RPUSD3: variants seen among roughly 807,000 people sequenced by gnomAD.
RPUSD3 encodes the protein RNA pseudouridine synthase D3.
A neutral mutation model predicts 35.1 loss-of-function variants in RPUSD3; 36 were observed. That is an observed-to-expected ratio of 1.02 (90% CI 0.79 to 1.35). The LOEUF (loss-of-function observed/expected upper bound fraction) is 1.35, where lower values mean the gene tolerates loss of function less well. Among genes scored for constraint, RPUSD3 ranks in the 40% most tolerant of loss-of-function variants. The pLI is 0.00. For missense variants in RPUSD3, 486 were observed against 441.9 expected, an observed-to-expected ratio of 1.10 and a Z score of -0.89; for synonymous variants, 202 against 187.8, an observed-to-expected ratio of 1.08 and a Z score of -0.62.
intron 2 of RPUSD3, 192 bp downstream of exon 2, chr3:9,843,273 C>T: frequency 1.6e-5 from 12 of 730,190 alleles, no homozygotes; most frequent in Non-Finnish European, 2.7e-5. Context: ...CTTCTCCCCA[C>T]TCTTAACCCT....
exon 5 of RPUSD3, chr3:9,840,787 T>A (rs878930058): frequency 1.9e-6 from 3 of 1,613,484 alleles, no homozygotes; most frequent in South Asian, 2.2e-5. Flanking sequence ...TGGAGAGGAG[T>A]ACAAGCCCAG....
rs202088564 is a variant in RPUSD3 at position 9,839,142 on chromosome 3, C to T, written c.754G>A (p.Val252Ile). The T allele has an allele frequency of 1.2e-5, 19 of 1,613,388 alleles. No individual in the cohort carries two copies. In the African/African-American group the frequency reaches 2.4e-4, roughly 20 times the overall value. Residue 252 changes from valine (V) to isoleucine (I), a missense_variant, in exon 8 of 9, where the codon GTA becomes ATA. Physicochemically the swap from Val to Ile is conservative, Grantham distance 29. Coordinates refer to ENST00000383820, the Ensembl canonical transcript of RPUSD3. The stretch of plus-strand genomic sequence containing the variant: ...CCAAGCACAGGGCAGAGCTGTAGTA[C>T]CATGTGCACCTGTAGTTGACTGGAG...
chr3:9,840,885 C>T lies in RPUSD3; in HGVS notation c.408-80G>A. 5.1e-6 allele frequency: 5 copies of T among 979,358 alleles called. No individual in the cohort carries two copies. The South Asian group carries it at 7.8e-5, about 15-fold the overall frequency. The allele number at this position is 979,358 out of a possible 1,614,324, so 60.7% of individuals were successfully genotyped here. Reference sequence around the variant, plus strand: ...AAAGGAAACTCTTAGGAACACTGACCTGCTTCAGGCCAAACACTAACACCA... The same window carrying T: ...AAAGGAAACTCTTAGGAACACTGACTTGCTTCAGGCCAAACACTAACACCA... On this transcript the variant is annotated intron_variant, in intron 4 of 8. Transcript: ENST00000383820.
chr3:9,838,324 C>T (rs1472041314), intron 8 of RPUSD3, 117 bp from the exon 9 acceptor site: 1 of 942,614 alleles, frequency 1.1e-6, no homozygotes, highest in Non-Finnish European at 1.6e-6. Flanking sequence ...TGTTCTGCAA[C>T]TGTTAATCAT....
At chr3:9,842,283 T>C in intron 2 of RPUSD3, 40 bp from the exon 3 acceptor site, 1 of 1,603,714 alleles carries the variant, frequency 6.2e-7, no homozygotes, top group African/African-American at 1.3e-5. Flanking sequence ...AAAGCAACGG[T>C]AACCCTTTAT....
At position 9,842,183 on chromosome 3, in the gene RPUSD3, C is replaced by T; in HGVS notation, c.307+16G>A. The T allele has an allele frequency of 6.2e-7, 1 of 1,614,170 alleles. No individual in the cohort carries two copies. The highest frequency in any genetic ancestry group is 8.5e-7 in the Non-Finnish European group (1 of 1,180,008). ...CCCCTTCCGCTGCATTCCCTTCCCA[C>T]ATCCCCGGCCCATACCTGTCACTGG... On this transcript the variant is annotated intron_variant, in intron 3 of 8. Coordinates refer to ENST00000383820, the Ensembl canonical transcript of RPUSD3.
At chr3:9,841,168 T>C (rs1049371300) in intron 4 of RPUSD3, 2 of 182,374 alleles carry the variant, frequency 1.1e-5, no homozygotes, top group African/African-American at 4.8e-5. Flanking sequence ...CCATCTTTAA[T>C]TGATGGCAGT....
chr3:9,838,063 G>A, exon 9 of RPUSD3: 1 of 1,606,568 alleles, frequency 6.2e-7, no homozygotes, highest in Non-Finnish European at 8.5e-7. Context: ...GAGAAATAAG[G>A]GGGCAGTGGT....
chr3:9,840,347 C>T (rs1178056192), intron 6 of RPUSD3, 40 bp from the exon 7 acceptor site: 1 of 1,614,022 alleles, frequency 6.2e-7, no homozygotes, highest in Non-Finnish European at 8.5e-7. Flanking sequence ...TTACACAGGT[C>T]TGGGAGCTAT....
Position 9,839,025 on chromosome 3 carries a change from G to A in RPUSD3, c.864+7C>T. ...TCAGAAAGCAGCAGGCAGGTGGGCTGGAGTACCTGTCTTTGGGGCTTGTTG... is the reference window on the plus strand; with the variant it reads ...TCAGAAAGCAGCAGGCAGGTGGGCTAGAGTACCTGTCTTTGGGGCTTGTTG... On this transcript the variant is annotated splice_region_variant and intron_variant, in intron 8 of 8. Transcript: ENST00000383820. 1 of 1,614,074 alleles carries A rather than the reference G, an allele frequency of 6.2e-7. No homozygotes were observed. Among genetic ancestry groups the A allele is most frequent in the Non-Finnish European group, 8.5e-7 (1 of 1,179,966 alleles).
Position 9,843,803 on chromosome 3 carries a change from G to C in RPUSD3, c.125+87C>G, listed in dbSNP as rs930212538. ...CAGAGAGGCCAACGGGGCTGTTTTCGGGTAACATCTACCTGATCCAGATCC... is the reference window on the plus strand; with the variant it reads ...CAGAGAGGCCAACGGGGCTGTTTTCCGGTAACATCTACCTGATCCAGATCC... On this transcript the variant is annotated intron_variant, in intron 1 of 8. Coordinates refer to ENST00000383820, the Ensembl canonical transcript of RPUSD3. The C allele has an allele frequency of 3.2e-6, 5 of 1,550,754 alleles. No individual in the cohort carries two copies. In the South Asian group the frequency reaches 4.7e-5, roughly 15 times the overall value.
At chr3:9,841,946 C>T in intron 4 of RPUSD3, 37 bp downstream of exon 4, 1 of 1,546,504 alleles carries the variant, frequency 6.5e-7, no homozygotes, top group Non-Finnish European at 8.9e-7. Context: ...CAGATGGATG[C>T]CTGTACTCCT....
exon 2 of RPUSD3, chr3:9,843,540 C>A (rs1038727744): frequency 3.2e-5 from 52 of 1,613,728 alleles, no homozygotes; most frequent in Admixed American, 1.0e-4. Flanking sequence ...AGCAGCCCCG[C>A]GAAGGGCTGG....
At chr3:9,841,739 G>A in intron 4 of RPUSD3, 1 of 392,836 alleles carries the variant, frequency 2.5e-6, no homozygotes, top group South Asian at 4.0e-5. Context: ...GAAGTGTTGG[G>A]ATTACAGGTG....
chr3:9,839,043 G>T (rs2082064112), exon 8 of RPUSD3: 10 of 1,614,186 alleles, frequency 6.2e-6, no homozygotes, highest in Non-Finnish European at 8.5e-6. Context: ...TGTCTTTGGG[G>T]CTTGTTGTTC....
chr3:9,842,301 TAAAG>T (rs766012768), intron 2 of RPUSD3, 58 bp from the exon 3 acceptor site: 34 of 1,556,744 alleles, frequency 2.2e-5, no homozygotes, highest in South Asian at 4.4e-5. Flanking sequence ...TATGCAGCAC[TAAAG>T]AGTTTCCAGA....
At chr3:9,843,951 A>C (rs777725369) in exon 1 of RPUSD3, 2 of 1,608,982 alleles carry the variant, frequency 1.2e-6, no homozygotes, top group African/African-American at 2.7e-5. Flanking sequence ...CCCCGCCGCC[A>C]GCCACTCCAG....
chr3:9,841,346 T>C (rs1133340), intron 4 of RPUSD3: 143,848 of 154,396 alleles, frequency 0.93, 67,270 homozygotes, highest in African/African-American at 0.98. Context: ...CGGGGTCTCA[T>C]TCAGGTTGTT....
At chr3:9,838,402 G>T (rs997103997) in intron 8 of RPUSD3, among the ~76,000 whole-genome samples, 195 bp from the exon 9 acceptor site, 1 of 152,174 alleles carries the variant, frequency 6.6e-6, no homozygotes, top group African/African-American at 2.4e-5. Context: ...TGGCTAGGGG[G>T]TCACCCAATC....
Sources: gnomAD v4.1 joint callset for allele counts (sites outside exome capture counted in the v4.1 genomes callset) on GRCh38, gnomAD v4.1.1 for gene constraint, MANE v1.5 for transcripts, NCBI Gene and HGNC (gene_info 2026-07-23, HGNC 2026-07-21) for gene names.